MDFIC2: variants seen among roughly 807,000 people sequenced by gnomAD.
MDFIC2 encodes the protein myoD family inhibitor domain-containing protein 2.
intron 2 of MDFIC2, among the ~76,000 whole-genome samples, chr3:70,266,393 C>T (rs1390946855): frequency 6.6e-6 from 1 of 151,690 alleles, no homozygotes; most frequent in Non-Finnish European, 1.5e-5. Flanking sequence ...CTCTACTTAT[C>T]ATAGAGATAT....
chr3:70,284,187 T>C (rs957191438), intron 2 of MDFIC2, among the ~76,000 whole-genome samples: 2 of 152,136 alleles, frequency 1.3e-5, no homozygotes, highest in Admixed American at 6.6e-5. Flanking sequence ...TTTTATCTAA[T>C]TAGAGAGACT....
intron 2 of MDFIC2, among the ~76,000 whole-genome samples, chr3:70,253,336 A>G (rs1020883196): frequency 6.6e-6 from 1 of 152,136 alleles, no homozygotes; most frequent in Non-Finnish European, 1.5e-5. Flanking sequence ...AGGGGTGTGC[A>G]TGGAGTCCAA....
chr3:70,198,118 G>T (rs1172575607), intron 3 of MDFIC2, among the ~76,000 whole-genome samples: 6 of 152,086 alleles, frequency 3.9e-5, no homozygotes, highest in Non-Finnish European at 7.4e-5. Flanking sequence ...TAAAAGGGTA[G>T]GTAAGTGTTC....
intron 2 of MDFIC2, among the ~76,000 whole-genome samples, chr3:70,239,014 A>C (rs1701639321): frequency 6.6e-6 from 1 of 152,212 alleles, no homozygotes; most frequent in Admixed American, 6.5e-5. Flanking sequence ...AATTTTGTGA[A>C]GGTATGCCAA....
At chr3:70,248,279 A>G (rs1701727593) in intron 2 of MDFIC2, among the ~76,000 whole-genome samples, 1 of 152,122 alleles carries the variant, frequency 6.6e-6, no homozygotes, top group Admixed American at 6.6e-5. Context: ...TCAACTTTCT[A>G]AATAGATTGC....
chr3:70,299,496 A>G (rs1702325461), intron 2 of MDFIC2, among the ~76,000 whole-genome samples: 1 of 152,096 alleles, frequency 6.6e-6, no homozygotes, highest in Non-Finnish European at 1.5e-5. Flanking sequence ...AAAAATTCCC[A>G]TTGAATCCAG....
At position 70,196,436 on chromosome 3, in the gene MDFIC2, T is replaced by C. The variant is rs1463462263; in HGVS notation, c.*490A>G. Reference sequence around the variant, plus strand: ...TTTAAGAGACTGTATAAATAAATTTTTAATTACAAAATGATGTTATACAAT... The same window carrying C: ...TTTAAGAGACTGTATAAATAAATTTCTAATTACAAAATGATGTTATACAAT... On this transcript the variant is annotated 3_prime_UTR_variant, in exon 4 of 4. Transcript: ENST00000567252. Among the ~76,000 whole-genome samples the C allele has an allele frequency of 2.6e-5, 4 of 152,204 alleles. No homozygotes were observed. Among genetic ancestry groups the C allele is most frequent in the African/African-American group, 9.6e-5 (4 of 41,468 alleles).
In MDFIC2 at chr3:70,195,509, T is replaced by C. The variant is rs552136140; in HGVS notation, c.*1417A>G. ...GAGAGTTTATTTCAAATTGGAAAAA[T>C]GTGCTAGTTTGCTACAGAAATAAAG... is the stretch of plus-strand genomic sequence containing the variant. On this transcript the variant is annotated 3_prime_UTR_variant, in exon 4 of 4. Coordinates refer to ENST00000567252, the MANE Select transcript of MDFIC2 (RefSeq NM_001364677.1). Among the ~76,000 whole-genome samples, 7 of 152,300 alleles carry C rather than the reference T, an allele frequency of 4.6e-5. No homozygotes were observed. In the South Asian group the frequency reaches 1.5e-3, roughly 32 times the overall value.
rs770689062 is a variant in MDFIC2 at position 70,274,090 on chromosome 3, T to TGTGTGTGCGC, written c.88+37795_88+37796insGCGCACACAC. On this transcript the variant is annotated intron_variant, in intron 2 of 3. Transcript: ENST00000567252. ...GTGTGTGTGTGTGTGTGTGTGTGTG[T>TGTGTGTGCGC]GCGCGCGCGCATGTGTGTGTGTGAG... Among the ~76,000 whole-genome samples the TGTGTGTGCGC allele has an allele frequency of 3.4e-5, 5 of 145,062 alleles. No homozygotes were observed. In the South Asian group the frequency reaches 6.5e-4, roughly 19 times the overall value.
chr3:70,220,985 C>T (rs976380259), intron 2 of MDFIC2, among the ~76,000 whole-genome samples: 8 of 152,108 alleles, frequency 5.3e-5, no homozygotes. Context: ...TAGGTAATGA[C>T]ATGTTTTAAA....
intron 2 of MDFIC2, among the ~76,000 whole-genome samples, chr3:70,273,303 C>A (rs2106673821): frequency 6.6e-6 from 1 of 152,292 alleles, no homozygotes; most frequent in Admixed American, 6.5e-5. Context: ...CTGAAGACTA[C>A]TCTAAGGAAA....
intron 2 of MDFIC2, among the ~76,000 whole-genome samples, chr3:70,242,343 C>T (rs1242090641): frequency 1.3e-5 from 2 of 152,146 alleles, no homozygotes; most frequent in Non-Finnish European, 2.9e-5. Context: ...TGCAAAAACA[C>T]AGCTATGATT....
At chr3:70,249,955 A>C (rs1701745049) in intron 2 of MDFIC2, among the ~76,000 whole-genome samples, 1 of 152,212 alleles carries the variant, frequency 6.6e-6, no homozygotes, top group Admixed American at 6.5e-5. Context: ...GTTATAGCAC[A>C]TAATTAGATC....
chr3:70,240,594 G>T (rs568260063), intron 2 of MDFIC2, among the ~76,000 whole-genome samples: 1 of 152,126 alleles, frequency 6.6e-6, no homozygotes, highest in Non-Finnish European at 1.5e-5. Context: ...TGAAATAATA[G>T]CTCTAAGAAA....
intron 1 of MDFIC2, among the ~76,000 whole-genome samples, chr3:70,312,293 G>A (rs960689398): frequency 1.1e-4 from 16 of 152,186 alleles, no homozygotes; most frequent in Non-Finnish European, 1.6e-4. Flanking sequence ...ACATTCAGTA[G>A]CTGTTTTAGT....
intron 2 of MDFIC2, among the ~76,000 whole-genome samples, chr3:70,304,046 T>C (rs186083807): frequency 6.6e-5 from 10 of 152,294 alleles, no homozygotes; most frequent in Admixed American, 2.0e-4. Flanking sequence ...ACTATATCTT[T>C]AGTAGGCATT....
intron 2 of MDFIC2, among the ~76,000 whole-genome samples, chr3:70,284,998 C>T (rs1702128392): frequency 6.6e-6 from 1 of 152,046 alleles, no homozygotes; most frequent in Non-Finnish European, 1.5e-5. Flanking sequence ...TAAATCACTG[C>T]AGTTCCAAAT....
In MDFIC2 at chr3:70,242,288, T is replaced by C. The variant is rs1326744972; in HGVS notation, c.89-35498A>G. On this transcript the variant is annotated intron_variant, in intron 2 of 3. Transcript: ENST00000567252. ...CAAGTTGGCTCTGATAACATCTCTT[T>C]GGAAATGGTGGGAAAAACACATAGT... 2.0e-5 allele frequency among the ~76,000 whole-genome samples: 3 copies of C among 152,204 alleles called. No homozygotes were observed. The East Asian group carries it at 5.8e-4, about 29-fold the overall frequency.
At chr3:70,309,538 A>T (rs1702437017) in intron 2 of MDFIC2, among the ~76,000 whole-genome samples, 1 of 152,230 alleles carries the variant, frequency 6.6e-6, no homozygotes, top group African/African-American at 2.4e-5. Context: ...GAGATAAAGT[A>T]ACATGGCACA....
Sources: allele counts gnomAD v4.1 joint callset (sites outside exome capture counted in the v4.1 genomes callset), GRCh38; gene constraint gnomAD v4.1.1; transcripts MANE v1.5; gene names NCBI Gene and HGNC (gene_info 2026-07-23, HGNC 2026-07-21).